The following SYTL2 variants were observed in gnomAD, a reference collection of about 807,000 sequenced individuals.
SYTL2 encodes the protein synaptotagmin-like protein 2.
A neutral mutation model predicts 198.7 loss-of-function variants in SYTL2; 165 were observed. The ratio of observed to expected loss-of-function variants is 0.83; its 90% confidence interval spans 0.73 to 0.94. SYTL2 has a LOEUF of 0.94. Among genes scored for constraint, SYTL2 ranks in the 40% least tolerant of loss-of-function variants. SYTL2 has a pLI of 0.00. For synonymous variants in SYTL2, 966 were observed against 917.7 expected, an observed-to-expected ratio of 1.05 and a Z score of -0.95; for missense variants, 2,835 against 2,582.8, an observed-to-expected ratio of 1.10 and a Z score of -2.12.
chr11:85,717,667 C>T, intron 10 of SYTL2, 137 bp from the exon 11 acceptor site: 1 of 754,692 alleles, frequency 1.3e-6, no homozygotes, highest in Non-Finnish European at 2.4e-6. Context: ...TGCTTTCATC[C>T]ATTCCTCACT....
Position 85,734,200 on chromosome 11 carries a change from C to A in SYTL2, c.1129G>T (p.Glu377Ter). The change falls in exon 7 of 20, where the codon GAG becomes TAG. Residue 377 changes from glutamate to a stop codon, truncating the protein, a stop_gained. Coordinates refer to ENST00000359152, the MANE Select transcript of SYTL2 (RefSeq NM_206927.4). LOFTEE classifies it high-confidence loss of function. ...NGMEDAGDTEEFQSDPKPSQY... is the reference protein window; with the variant it reads ...NGMEDAGDTE Reference sequence around the variant, plus strand: ...GAAGGCTTAGGGTCACTCTGAAACTCTTCTGTGTCCCCTGCATCTTCCATT... The same window carrying A: ...GAAGGCTTAGGGTCACTCTGAAACTATTCTGTGTCCCCTGCATCTTCCATT... The A allele has an allele frequency of 3.1e-6, 5 of 1,614,166 alleles. No homozygotes were observed. The highest frequency in any genetic ancestry group is 4.2e-6 in the Non-Finnish European group (5 of 1,179,992).
rs746239441 is a variant in SYTL2, at chr11:85,726,606, C to A, written c.2752G>T (p.Asp918Tyr). The change falls in exon 8 of 20, where the codon GAC becomes TAC. Residue 918 changes from aspartate (D) to tyrosine (Y), a missense_variant. This residue lies in a region of SYTL2 where 2,645 missense variants were observed against 2,381.7 expected (regional missense o/e 1.11). Coordinates refer to ENST00000359152, the MANE Select transcript of SYTL2 (RefSeq NM_206927.4). Reference protein sequence around the residue: ...NEPIKRSQVADSLPSRRNITL... With the variant: ...NEPIKRSQVAYSLPSRRNITL... ...ATGTTTCTTCTAGAAGGCAAACTGT[C>A]TGCCACTTGTGATCTTTTTATAGGC... 1 of 1,552,622 alleles carries A rather than the reference C, an allele frequency of 6.4e-7. No homozygotes were observed.
chr11:85,722,707 AATTT>A (rs1321567946), intron 8 of SYTL2, among the ~76,000 whole-genome samples: 2 of 151,838 alleles, frequency 1.3e-5, no homozygotes, highest in African/African-American at 4.8e-5. Context: ...TAATTAATTA[AATTT>A]ATTTACTTTA....
chr11:85,804,161 T>C (rs566783530), intron 1 of SYTL2, among the ~76,000 whole-genome samples: 82 of 152,344 alleles, frequency 5.4e-4, no homozygotes, highest in Middle Eastern at 3.4e-3. Context: ...TAATATTTCC[T>C]GAAATACTTA....
intron 10 of SYTL2, among the ~76,000 whole-genome samples, chr11:85,717,992 C>A (rs780511721): frequency 6.6e-6 from 1 of 152,172 alleles, no homozygotes; most frequent in Non-Finnish European, 1.5e-5. Flanking sequence ...AGAACGATTA[C>A]ATAAAAGTAA....
In SYTL2 at chr11:85,726,074, G is replaced by C; in HGVS notation, c.3284C>G (p.Thr1095Arg). 6 of 1,613,232 alleles carry C rather than the reference G, an allele frequency of 3.7e-6. 1 individual carries two copies. The highest frequency in any genetic ancestry group is 5.1e-6 in the Non-Finnish European group (6 of 1,179,622). Residue 1095 changes from threonine to arginine, a missense_variant, in exon 8 of 20, where the codon ACG becomes AGG. By Grantham distance (71) the Thr-to-Arg change is moderately conservative (BLOSUM62 -1). Coordinates refer to ENST00000359152, the MANE Select transcript of SYTL2 (RefSeq NM_206927.4). Reference protein sequence around the residue: ...ESSKENVEKNTEGIVTPVFKE... With the variant: ...ESSKENVEKNREGIVTPVFKE... ...AAACACTGGAGTAACAATCCCTTCC[G>C]TATTCTTTTCCACATTTTCCTTTGA...
chr11:85,824,052 T>C, the SYTL2 span, among the ~76,000 whole-genome samples: 2 of 152,172 alleles, frequency 1.3e-5, no homozygotes, highest in Non-Finnish European at 2.9e-5. Context: ...CCCATGAACA[T>C]GTTTACATTT....
At chr11:85,817,469 T>A in the SYTL2 span, among the ~76,000 whole-genome samples, 1 of 152,262 alleles carries the variant, frequency 6.6e-6, no homozygotes, top group African/African-American at 2.4e-5. Flanking sequence ...ATATTTTGAA[T>A]ATATTAAATG....
chr11:85,843,518 T>A, the SYTL2 span, among the ~76,000 whole-genome samples: 578 of 152,120 alleles, frequency 3.8e-3, 6 homozygotes, highest in African/African-American at 0.014. Context: ...ATAATGAGTT[T>A]GGGGCATGGT....
At chr11:85,763,701 CAA>C (rs751408726) in intron 1 of SYTL2, among the ~76,000 whole-genome samples, 2 of 123,896 alleles carry the variant, frequency 1.6e-5, no homozygotes, top group Non-Finnish European at 1.8e-5. Flanking sequence ...ATGAAGGCTT[CAA>C]AAAAAAAAAA....
the SYTL2 span, among the ~76,000 whole-genome samples, chr11:85,841,863 C>T: frequency 6.6e-6 from 1 of 152,170 alleles, no homozygotes; most frequent in Admixed American, 6.5e-5. Flanking sequence ...TATGTGAATT[C>T]AGATGTCACA....
At position 85,727,611 on chromosome 11, in the gene SYTL2, A is replaced by G. The variant is rs1276785177; in HGVS notation, c.1747T>C (p.Leu583=). Residue 583 remains leucine, a synonymous_variant, in exon 8 of 20, where the codon TTG becomes CTG. Coordinates refer to ENST00000359152, the MANE Select transcript of SYTL2 (RefSeq NM_206927.4). ...SKTLSPSKIE[L]KPVRSDSPFQ... is the part of the protein sequence containing the mutation. Reference sequence around the variant, plus strand: ...GGTGAGTCAGATCTCACAGGCTTCAATTCAATTTTGCTGGGTGATAGGGTC... The same window carrying G: ...GGTGAGTCAGATCTCACAGGCTTCAGTTCAATTTTGCTGGGTGATAGGGTC... 1 of 1,536,026 alleles carries G rather than the reference A, an allele frequency of 6.5e-7. No homozygotes were observed. Among genetic ancestry groups the G allele is most frequent in the East Asian group, 2.4e-5 (1 of 40,898 alleles).
At chr11:85,733,827 C>T (rs1384051279) in intron 7 of SYTL2, 112 bp downstream of exon 7, 13 of 788,244 alleles carry the variant, frequency 1.6e-5, no homozygotes, top group Non-Finnish European at 2.5e-5. Flanking sequence ...TCTCGATCTC[C>T]TGACCTCATG....
At chr11:85,737,709 T>C (rs2090463242) in intron 4 of SYTL2, 53 bp from the exon 5 acceptor site, 1 of 1,466,498 alleles carries the variant, frequency 6.8e-7, no homozygotes, top group African/African-American at 1.4e-5. Context: ...TGAGGAATCA[T>C]AAATTATGCC....
At position 85,777,812 on chromosome 11, in the gene SYTL2, C is replaced by CTTTTTTTTTTTTT. The variant is rs57873368; in HGVS notation, c.-389-19711_-389-19699dup. ...CTTACCAGAATTACAGGTCTTACTT[C>CTTTTTTTTTTTTT]TTTTTTTTTTTTTTTTTTTTTTTTT... is the stretch of plus-strand genomic sequence containing the variant. On this transcript the variant is annotated intron_variant, in intron 1 of 19. Coordinates refer to ENST00000359152, the MANE Select transcript of SYTL2 (RefSeq NM_206927.4). Among the ~76,000 whole-genome samples the CTTTTTTTTTTTTT allele has an allele frequency of 7.1e-4, 45 of 63,330 alleles. 6 individuals carry two copies. The highest frequency in any genetic ancestry group is 1.6e-3 in the African/African-American group (28 of 17,558). The allele number at this position is 63,330 out of a possible 152,430, so 41.5% of individuals were successfully genotyped here. A position where few individuals can be genotyped will look rare whatever the true frequency, so the allele number is the denominator to read the frequency against.
At chr11:85,744,455 G>C (rs2091012599) in intron 4 of SYTL2, among the ~76,000 whole-genome samples, 1 of 152,140 alleles carries the variant, frequency 6.6e-6, no homozygotes, top group South Asian at 2.1e-4. Flanking sequence ...TCCCAGAGGG[G>C]AAACAGTGCA....
At chr11:85,844,059 C>T in the SYTL2 span, among the ~76,000 whole-genome samples, 12 of 152,200 alleles carry the variant, frequency 7.9e-5, no homozygotes, top group Non-Finnish European at 1.8e-4. Flanking sequence ...ATTTCAGGGT[C>T]AAAGAATATT....
At chr11:85,847,758 G>A in the SYTL2 span, among the ~76,000 whole-genome samples, 1 of 152,172 alleles carries the variant, frequency 6.6e-6, no homozygotes, top group Non-Finnish European at 1.5e-5. Flanking sequence ...AATTGGCCAT[G>A]AATATATCTA....
chr11:85,839,936 G>A, the SYTL2 span, among the ~76,000 whole-genome samples: 3 of 152,000 alleles, frequency 2.0e-5, no homozygotes, highest in Non-Finnish European at 2.9e-5. Context: ...CCACATCCTC[G>A]CCACTATTTG....
Sources: gnomAD v4.1 joint callset for allele counts (sites outside exome capture counted in the v4.1 genomes callset) on GRCh38, gnomAD v4.1.1 for gene constraint, gnomAD v4.1.1 regional missense constraint, MANE v1.5 for transcripts, NCBI Gene and HGNC (gene_info 2026-07-23, HGNC 2026-07-21) for gene names.